Variants in SIM1 observed in about 807,000 individuals in gnomAD.
SIM1 encodes the protein single-minded homolog 1.
Under a neutral mutation model 78.2 loss-of-function variants are expected in SIM1, and 18 were observed. The ratio of observed to expected loss-of-function variants is 0.23; its 90% CI spans 0.16 to 0.34. The LOEUF is 0.34. SIM1 is among the 10% of genes least tolerant of loss of function. The pLI, the probability that SIM1 is intolerant of heterozygous loss-of-function variation, is 1.00. For missense variants in SIM1, 939 were observed against 975.1 expected, an observed-to-expected ratio of 0.96 and a Z score of 0.49; for synonymous variants, 417 against 385.2, an observed-to-expected ratio of 1.08 and a Z score of -0.97.
rs1044346788 is a variant in SIM1, at chr6:100,385,771, G to C, written c.*4590C>G. On this transcript the variant is annotated 3_prime_UTR_variant, in exon 12 of 12. Coordinates refer to ENST00000369208, the MANE Select transcript of SIM1 (RefSeq NM_005068.3). ...ATAAAAATCATATTTTTCTGTGTGCGTATGTGTGTGTGTATGCTTTCTGCA... is the reference window on the plus strand; with the variant it reads ...ATAAAAATCATATTTTTCTGTGTGCCTATGTGTGTGTGTATGCTTTCTGCA... 1 of 151,140 alleles carries C rather than the reference G, an allele frequency of 6.6e-6. No homozygotes were observed. Among genetic ancestry groups the C allele is most frequent in the Admixed American group, 6.6e-5 (1 of 15,110 alleles). The allele number at this position is 151,140 out of a possible 1,614,324, so 9.4% of individuals were successfully genotyped here. A position where few individuals can be genotyped will look rare whatever the true frequency, so the allele number is the denominator to read the frequency against.
Position 100,453,742 on chromosome 6 carries a change from C to G in SIM1, c.258+20G>C, listed in dbSNP as rs1174133440. On this transcript the variant is annotated intron_variant, in intron 3 of 11. Transcript: ENST00000369208. ...CAGACCCTCAAAGCTTATGTGTTGCCGGAAGACCTGCACCTGTACCTGGAG... is the reference window on the plus strand; with the variant it reads ...CAGACCCTCAAAGCTTATGTGTTGCGGGAAGACCTGCACCTGTACCTGGAG... 2 of 1,594,658 alleles carry G rather than the reference C, an allele frequency of 1.3e-6. No individual in the cohort carries two copies. The highest frequency in any genetic ancestry group is 1.7e-5 in the Admixed American group (1 of 58,596).
At position 100,450,503 on chromosome 6, in the gene SIM1, A is replaced by G. The variant is rs1158142285; in HGVS notation, c.259-147T>C. 5.8e-5 allele frequency: 38 copies of G among 652,128 alleles called. No homozygotes were observed. In the South Asian group the frequency reaches 6.5e-4, roughly 11 times the overall value. The allele number at this position is 652,128 out of a possible 1,614,324, so 40.4% of individuals were successfully genotyped here. ...GGCAGGAAACAGGGCATAGAAAACT[A>G]GCCACATGAGCCCTTTTGTTCATTC... On this transcript the variant is annotated intron_variant, in intron 3 of 11. Transcript: ENST00000369208.
chr6:100,394,150 C>T, intron 10 of SIM1: 1 of 365,722 alleles, frequency 2.7e-6, no homozygotes. Context: ...CAACCATCGA[C>T]TGAAGTACTA....
Position 100,412,604 on chromosome 6 carries a change from AAAGAAAGG to A in SIM1, c.1167+8178_1167+8185del, listed in dbSNP as rs1305982320. 1.3e-3 allele frequency among the ~76,000 whole-genome samples: 150 copies of A among 117,058 alleles called. 7 individuals carry two copies. The highest frequency in any genetic ancestry group is 4.4e-3 in the African/African-American group (138 of 31,034). 76.8% of individuals were successfully genotyped at this position (117,058 alleles called of 152,430 possible). ...GAAAGAAAGAAAGAAAGAAAGAAAG[AAAGAAAGG>A]AAAGAAAGAAGGAAAGAAAGAAAGA... On this transcript the variant is annotated intron_variant, in intron 10 of 11. Transcript: ENST00000369208.
At chr6:100,424,985 C>G (rs573316683) in intron 9 of SIM1, among the ~76,000 whole-genome samples, 3 of 152,110 alleles carry the variant, frequency 2.0e-5, no homozygotes, top group Non-Finnish European at 4.4e-5. Context: ...GTTTCCCCAC[C>G]GAAATATCAA....
chr6:100,426,964 A>T (rs760402348), intron 9 of SIM1, among the ~76,000 whole-genome samples: 17 of 152,202 alleles, frequency 1.1e-4, no homozygotes, highest in Non-Finnish European at 2.1e-4. Flanking sequence ...CATACAATTG[A>T]TTTGGCTCCA....
chr6:100,421,203 G>A (rs1344133295), intron 9 of SIM1, among the ~76,000 whole-genome samples: 5 of 151,882 alleles, frequency 3.3e-5, no homozygotes, highest in Non-Finnish European at 5.9e-5. Flanking sequence ...CAAATTCTCT[G>A]AACTTCTGTG....
chr6:100,409,848 G>C (rs1030138379), intron 10 of SIM1, among the ~76,000 whole-genome samples: 11 of 151,938 alleles, frequency 7.2e-5, no homozygotes, highest in Non-Finnish European at 1.3e-4. Context: ...TTTTCCTCCT[G>C]TTACTTACTG....
In SIM1 at chr6:100,450,347, C is replaced by T; in HGVS notation, c.268G>A (p.Gly90Ser). 1.2e-6 allele frequency: 2 copies of T among 1,614,020 alleles called. No homozygotes were observed. The highest frequency in any genetic ancestry group is 1.7e-6 in the Non-Finnish European group (2 of 1,180,008). The change falls in exon 4 of 12, where the codon GGC becomes AGC. Residue 90 changes from glycine to serine, a missense_variant. By Grantham distance (56) the Gly-to-Ser change is moderately conservative (BLOSUM62 0). Transcript: ENST00000369208. ...TCTGGGGCTACCACGAAGATGAAGC[C>T]ATCCAGGGTCTGGGGAGGCACAAAT... The part of the protein sequence containing the change: ...LGSHLLQTLD[G>S]FIFVVAPDGK...
At position 100,448,578 on chromosome 6, in the gene SIM1, T is replaced by TGGCCCACGGCCACCA. The variant is rs775034346; in HGVS notation, c.629_643dup (p.Leu210_Gly214dup). On this transcript the variant is annotated inframe_insertion, in exon 7 of 12. Transcript: ENST00000369208. ...CGTGACGGCGCTGGGAGGCAGCGAG[T>TGGCCCACGGCCACCA]GGCCCACGGCCACCAGGCCCACGTT... The TGGCCCACGGCCACCA allele has an allele frequency of 6.2e-7, 1 of 1,613,754 alleles. No individual in the cohort carries two copies. The highest frequency in any genetic ancestry group is 2.2e-5 in the East Asian group (1 of 44,834).
At chr6:100,434,048 C>G (rs1330401534) in intron 9 of SIM1, among the ~76,000 whole-genome samples, 1 of 152,122 alleles carries the variant, frequency 6.6e-6, no homozygotes, top group Non-Finnish European at 1.5e-5. Context: ...TTGAGTCAAC[C>G]AAGAAGAGAC....
chr6:100,404,343 TTGAG>T (rs2114479240), intron 10 of SIM1, among the ~76,000 whole-genome samples: 1 of 152,358 alleles, frequency 6.6e-6, no homozygotes, highest in Admixed American at 6.5e-5. Flanking sequence ...TGGCAGCTCA[TTGAG>T]GTTTTTATCA....
At chr6:100,404,449 C>T (rs910310147) in intron 10 of SIM1, among the ~76,000 whole-genome samples, 2 of 152,160 alleles carry the variant, frequency 1.3e-5, no homozygotes, top group African/African-American at 4.8e-5. Context: ...GAGCAGCTTT[C>T]CTCTTGATTT....
chr6:100,413,663 C>T (rs1771321075), intron 10 of SIM1, among the ~76,000 whole-genome samples: 1 of 152,020 alleles, frequency 6.6e-6, no homozygotes, highest in African/African-American at 2.4e-5. Context: ...TAGTAAACAT[C>T]AATAAAATAT....
Position 100,412,637 on chromosome 6 carries a change from A to AAAAG in SIM1, c.1167+8149_1167+8152dup, listed in dbSNP as rs1554220867. Among the ~76,000 whole-genome samples, 60 of 91,712 alleles carry AAAAG rather than the reference A, an allele frequency of 6.5e-4. 4 individuals are homozygous for AAAAG. In the South Asian group the frequency reaches 7.5e-3, roughly 12 times the overall value. The allele number at this position is 91,712 out of a possible 152,430, so 60.2% of individuals were successfully genotyped here. ...GAAAGAAAGAAGGAAAGAAAGAAAG[A>AAAAG]AAAGAAAGAAAGAAAGAAAGAGAGA... On this transcript the variant is annotated intron_variant, in intron 10 of 11. Transcript: ENST00000369208.
intron 10 of SIM1, among the ~76,000 whole-genome samples, chr6:100,405,901 A>T (rs1176467045): frequency 1.3e-5 from 2 of 152,172 alleles, no homozygotes; most frequent in Non-Finnish European, 2.9e-5. Flanking sequence ...CTCTATAAGG[A>T]ATCTCCTATA....
chr6:100,408,212 C>T lies in SIM1; in HGVS notation c.1167+12578G>A, dbSNP rs117545888. 9.9e-3 allele frequency among the ~76,000 whole-genome samples: 1,509 copies of T among 152,110 alleles called. 18 individuals carry two copies. The highest frequency in any genetic ancestry group is 0.027 in the Middle Eastern group (8 of 294). On this transcript the variant is annotated intron_variant, in intron 10 of 11. Coordinates refer to ENST00000369208, the MANE Select transcript of SIM1 (RefSeq NM_005068.3). Reference sequence around the variant, plus strand: ...CAATTTATTGAAAAAACTCTTTTCCCCATTTTGCATTCTTGGCATCTTTGT... The same window carrying T: ...CAATTTATTGAAAAAACTCTTTTCCTCATTTTGCATTCTTGGCATCTTTGT...
Position 100,420,811 on chromosome 6 carries a change from G to A in SIM1, c.1146C>T (p.Ser382=). The part of the protein sequence containing the change: ...KSRLSSSKSK[S]RTSPYPQYSG... Reference sequence around the variant, plus strand: ...TTACCTGAGGGTATGGGGAAGTCCTGGATTTTGACTTTGAGCTGGAGAGCC... The same window carrying A: ...TTACCTGAGGGTATGGGGAAGTCCTAGATTTTGACTTTGAGCTGGAGAGCC... The change falls in exon 10 of 12, where the codon TCC becomes TCT. Residue 382 remains serine, a synonymous_variant. Transcript: ENST00000369208. 6.2e-7 allele frequency: 1 copy of A among 1,614,142 alleles called. No individual in the cohort carries two copies. Among genetic ancestry groups the A allele is most frequent in the South Asian group, 1.1e-5 (1 of 91,082 alleles).
At chr6:100,401,355 A>C (rs1770910815) in intron 10 of SIM1, among the ~76,000 whole-genome samples, 1 of 152,168 alleles carries the variant, frequency 6.6e-6, no homozygotes, top group Non-Finnish European at 1.5e-5. Context: ...TACTAGAGAG[A>C]AAATAACAAA....
Sources: allele counts gnomAD v4.1 joint callset (sites outside exome capture counted in the v4.1 genomes callset), GRCh38; gene constraint gnomAD v4.1.1; transcripts MANE v1.5; gene names NCBI Gene and HGNC (gene_info 2026-07-23, HGNC 2026-07-21).